Variants in HERC2 observed in about 807,000 individuals in gnomAD.
HERC2 encodes the protein E3 ubiquitin-protein ligase HERC2.
A neutral mutation model predicts 537.7 loss-of-function variants in HERC2; 102 were observed. The observed-to-expected ratio is 0.19, with a 90% CI of 0.16 to 0.22. The LOEUF (loss-of-function observed/expected upper bound fraction) is 0.22, where lower values mean the gene tolerates loss of function less well. HERC2 is among the 10% of genes least tolerant of loss of function. The pLI is 1.00. For missense variants in HERC2, 4,236 were observed against 6,198.2 expected, an observed-to-expected ratio of 0.68 and a Z score of 10.63; for synonymous variants, 2,224 against 2,466.2, an observed-to-expected ratio of 0.90 and a Z score of 2.91.
At chr15:28,275,714 T>G (rs975174378) in intron 5 of HERC2, among the ~76,000 whole-genome samples, 29 of 151,620 alleles carry the variant, frequency 1.9e-4, no homozygotes, top group African/African-American at 6.8e-4. Context: ...ACCTGGGGGG[T>G]GCAGCTTGCA....
In HERC2 at chr15:28,255,960, C is replaced by T. The variant is rs779090183; in HGVS notation, c.2783G>A (p.Arg928Gln). The T allele has an allele frequency of 5.0e-6, 8 of 1,606,026 alleles. No individual in the cohort carries two copies. Among genetic ancestry groups the T allele is most frequent in the Admixed American group, 1.7e-5 (1 of 59,988 alleles). Residue 928 changes from arginine to glutamine, a missense_variant, in exon 19 of 93, where the codon CGA (arginine) becomes CAA (glutamine). This residue lies in a region of HERC2 where 754 missense variants were observed against 1,085.0 expected (regional missense o/e 0.69). Coordinates refer to ENST00000261609, the MANE Select transcript of HERC2 (RefSeq NM_004667.6). ...GNEVNISPGR[R>Q]FMIDLLVGSL... Reference sequence around the variant, plus strand: ...GCCCACCAGAAGATCAATCATGAATCGACGACCTGGACTTATGTTCACTTC... The same window carrying T: ...GCCCACCAGAAGATCAATCATGAATTGACGACCTGGACTTATGTTCACTTC...
chr15:28,319,939 T>C (rs950861663), intron 2 of HERC2, among the ~76,000 whole-genome samples: 2 of 152,226 alleles, frequency 1.3e-5, no homozygotes, highest in African/African-American at 4.8e-5. Context: ...AATATGAAAG[T>C]ACTCATCTCT....
chr15:28,202,718 G>C, intron 45 of HERC2, 104 bp from the exon 46 acceptor site: 3 of 422,944 alleles, frequency 7.1e-6, no homozygotes, highest in South Asian at 2.7e-5. Flanking sequence ...ACTGCAGTAT[G>C]CAAGTCTAGA....
chr15:28,193,099 G>C (rs986748105), intron 52 of HERC2, among the ~76,000 whole-genome samples: 1 of 152,020 alleles, frequency 6.6e-6, no homozygotes, highest in African/African-American at 2.4e-5. Flanking sequence ...AATGAGTCAA[G>C]AAATAACTTT....
At chr15:28,132,051 G>A (rs1307070702) in intron 81 of HERC2, 49 bp downstream of exon 81, 1 of 1,074,018 alleles carries the variant, frequency 9.3e-7, no homozygotes. Flanking sequence ...CTGGGGGCCC[G>A]ACTGCGGTGA....
intron 85 of HERC2, among the ~76,000 whole-genome samples, chr15:28,123,761 C>T (rs576227788): frequency 3.9e-5 from 6 of 152,310 alleles, no homozygotes; most frequent in African/African-American, 1.4e-4. Context: ...GGCCCCACCT[C>T]ATCCTTCTGG....
intron 70 of HERC2, among the ~76,000 whole-genome samples, chr15:28,148,790 C>T (rs551545871): frequency 1.5e-4 from 23 of 152,084 alleles, no homozygotes; most frequent in Admixed American, 1.0e-3. Context: ...AGAGCATCAC[C>T]GAGAACGGCC....
intron 2 of HERC2, among the ~76,000 whole-genome samples, chr15:28,317,953 G>A (rs969444759): frequency 9.9e-5 from 15 of 152,096 alleles, no homozygotes; most frequent in African/African-American, 3.1e-4. Flanking sequence ...CTAATTTCAT[G>A]TGCCACTTAA....
At chr15:28,158,623 T>C (rs1893260514) in intron 69 of HERC2, among the ~76,000 whole-genome samples, 1 of 152,210 alleles carries the variant, frequency 6.6e-6, no homozygotes, top group Non-Finnish European at 1.5e-5. Flanking sequence ...TTTGAGCCTA[T>C]GTGTGTCTCT....
intron 4 of HERC2, among the ~76,000 whole-genome samples, chr15:28,283,404 AT>A (rs971446812): frequency 3.9e-5 from 6 of 152,226 alleles, no homozygotes; most frequent in African/African-American, 1.4e-4. Context: ...AGTACAAAAT[AT>A]TTTTTAAACA....
In HERC2 at chr15:28,114,655, G is replaced by A. The variant is rs977408911; in HGVS notation, c.13870C>T (p.Leu4624=). ...QLSSKHTHIT[L]DNRAEYVRLA... ...CGCACGTACTCCGCGCGGTTGTCCA[G>A]GGTGATGTGTGTGTGCTTGGAGCTC... The change falls in exon 90 of 93, where the codon CTG becomes TTG. Residue 4624 remains leucine, a synonymous_variant. Transcript: ENST00000261609. 1 of 1,613,976 alleles carries A rather than the reference G, an allele frequency of 6.2e-7. No individual in the cohort carries two copies. Among genetic ancestry groups the A allele is most frequent in the African/African-American group, 1.3e-5 (1 of 74,898 alleles).
In HERC2 at chr15:28,142,981, G is replaced by A. The variant is rs760546972; in HGVS notation, c.11419-29C>T. ...AGAAACAACAGAACAGTATTCTATC[G>A]CAGGAATCCAGGTGCCGGGGAGGCT... On this transcript the variant is annotated intron_variant, in intron 74 of 92. Transcript: ENST00000261609. The A allele has an allele frequency of 5.6e-5, 90 of 1,604,264 alleles. No homozygotes were observed. In the East Asian group the frequency reaches 6.7e-4, roughly 12 times the overall value.
intron 55 of HERC2, among the ~76,000 whole-genome samples, chr15:28,187,900 A>G (rs1249281577): frequency 6.6e-6 from 1 of 152,168 alleles, no homozygotes; most frequent in Non-Finnish European, 1.5e-5. Flanking sequence ...TGGTACTGAC[A>G]ACATTCCTCC....
At position 28,177,814 on chromosome 15, in the gene HERC2, T is replaced by A. The variant is rs114770696; in HGVS notation, c.9164-305A>T. Among the ~76,000 whole-genome samples the A allele has an allele frequency of 3.2e-3, 481 of 152,268 alleles. No homozygotes were observed. Among genetic ancestry groups the A allele is most frequent in the African/African-American group, 0.011 (463 of 41,548 alleles). ...AATACACGAAAAATCAAAATTTAGATGAAAAAAGTAAAAATAATTTGTGAT... is the reference window on the plus strand; with the variant it reads ...AATACACGAAAAATCAAAATTTAGAAGAAAAAAGTAAAAATAATTTGTGAT... On this transcript the variant is annotated intron_variant, in intron 59 of 92. Coordinates refer to ENST00000261609, the MANE Select transcript of HERC2 (RefSeq NM_004667.6). This position sits in a 1 kb window ranked among gnomAD's most constrained non-coding sequence, Gnocchi z 5.0.
intron 15 of HERC2, among the ~76,000 whole-genome samples, chr15:28,261,482 G>A (rs2075413736): frequency 1.3e-5 from 2 of 152,002 alleles, no homozygotes; most frequent in African/African-American, 2.4e-5. Context: ...AGGGTGTTTC[G>A]CAGAAATGTC....
intron 9 of HERC2, among the ~76,000 whole-genome samples, chr15:28,271,783 A>G (rs895023246): frequency 1.3e-5 from 2 of 152,192 alleles, no homozygotes; most frequent in African/African-American, 4.8e-5. Flanking sequence ...ACATGTAAAG[A>G]CCAGCAGTCC....
chr15:28,158,213 T>C lies in HERC2; in HGVS notation c.10746+4881A>G, dbSNP rs139878123. Among the ~76,000 whole-genome samples the C allele has an allele frequency of 3.7e-3, 564 of 152,294 alleles. 2 individuals carry two copies. Among genetic ancestry groups the C allele is most frequent in the African/African-American group, 0.013 (534 of 41,570 alleles). Reference sequence around the variant, plus strand: ...GGTGCTGAGAAGAATGTATATTCTATTGATTTGGGGTGGAGAGTTCTGTAG... The same window carrying C: ...GGTGCTGAGAAGAATGTATATTCTACTGATTTGGGGTGGAGAGTTCTGTAG... On this transcript the variant is annotated intron_variant, in intron 69 of 92. Coordinates refer to ENST00000261609, the MANE Select transcript of HERC2 (RefSeq NM_004667.6).
intron 44 of HERC2, among the ~76,000 whole-genome samples, chr15:28,207,665 C>A (rs1477172037): frequency 1.3e-5 from 2 of 152,198 alleles, no homozygotes; most frequent in South Asian, 2.1e-4. Context: ...AGATCCACTG[C>A]CCTCAAGCCC....
At chr15:28,160,876 G>A (rs912487119) in intron 69 of HERC2, among the ~76,000 whole-genome samples, 9 of 152,072 alleles carry the variant, frequency 5.9e-5, no homozygotes, top group South Asian at 2.1e-4. Context: ...TCTTGGCACC[G>A]CCCCCCGCTC....
Sources: gnomAD v4.1 joint callset for allele counts (sites outside exome capture counted in the v4.1 genomes callset) on GRCh38, gnomAD v4.1.1 for gene constraint, gnomAD v4.1.1 regional missense constraint, Gnocchi (gnomAD v3.1) non-coding constraint, MANE v1.5 for transcripts, NCBI Gene and HGNC (gene_info 2026-07-23, HGNC 2026-07-21) for gene names.